Variants in EEFSEC observed in about 807,000 individuals in gnomAD.
EEFSEC encodes the protein eukaryotic elongation factor, selenocysteine-tRNA specific, also known as selenocysteine-specific elongation factor.
EEFSEC carries 43 observed loss-of-function variants against 42.1 expected under a neutral mutation model. The observed-to-expected ratio is 1.02, with a 90% confidence interval of 0.80 to 1.32. The LOEUF is 1.32. Among genes scored for constraint, EEFSEC ranks in the 40% most tolerant of loss-of-function variants. The pLI is 0.00. For synonymous variants in EEFSEC, 354 were observed against 339.1 expected (o/e 1.04, Z -0.48); for missense variants, 745 against 803.6 (o/e 0.93, Z 0.88).
chr3:128,333,156 G>A (rs1384174100), intron 4 of EEFSEC, among the ~76,000 whole-genome samples: 1 of 152,232 alleles, frequency 6.6e-6, no homozygotes, highest in East Asian at 1.9e-4. Context: ...AGGCTCATTA[G>A]TGGAACAAAA....
At chr3:128,255,314 A>G (rs1161732518) in intron 2 of EEFSEC, among the ~76,000 whole-genome samples, 4 of 152,192 alleles carry the variant, frequency 2.6e-5, no homozygotes, top group Non-Finnish European at 5.9e-5. Flanking sequence ...TGGGGTTGTC[A>G]GGGAGGAGGG....
At chr3:128,416,971 C>T in the EEFSEC span, among the ~76,000 whole-genome samples, 3 of 152,222 alleles carry the variant, frequency 2.0e-5, no homozygotes, top group Admixed American at 6.5e-5. Flanking sequence ...AGAGAGCGAT[C>T]GTGGTGGGTG....
chr3:128,226,956 G>A (rs2065913713), intron 1 of EEFSEC, among the ~76,000 whole-genome samples: 1 of 152,166 alleles, frequency 6.6e-6, no homozygotes, highest in South Asian at 2.1e-4. Flanking sequence ...GCTTGCCTGG[G>A]ACACCAGCCT....
At chr3:128,406,684 G>A (rs938219781) in intron 6 of EEFSEC, among the ~76,000 whole-genome samples, 7 of 151,852 alleles carry the variant, frequency 4.6e-5, no homozygotes, top group East Asian at 1.9e-4. Flanking sequence ...ATGGTGGCAC[G>A]AGCCTGTGGT....
Position 128,153,604 on chromosome 3 carries a change from A to C in EEFSEC, c.97A>C (p.Thr33Pro). ...LARALSTTAS[T>P]AAFDKQPQSR... is the part of the protein sequence containing the mutation. Reference sequence around the variant, plus strand: ...GCGGGCGCTAAGCACCACAGCCTCCACCGCCGCCTTTGACAAGCAGCCGCA... The same window carrying C: ...GCGGGCGCTAAGCACCACAGCCTCCCCCGCCGCCTTTGACAAGCAGCCGCA... Residue 33 changes from threonine to proline, a missense_variant, in exon 1 of 7, where the codon ACC becomes CCC. Physicochemically the swap from Thr to Pro is conservative, Grantham distance 38. Coordinates refer to ENST00000254730, the MANE Select transcript of EEFSEC (RefSeq NM_021937.5). 1 of 1,592,722 alleles carries C rather than the reference A, an allele frequency of 6.3e-7. No homozygotes were observed.
At chr3:128,394,496 T>TA (rs397733612) in intron 6 of EEFSEC, among the ~76,000 whole-genome samples, 8 of 151,960 alleles carry the variant, frequency 5.3e-5, no homozygotes, top group African/African-American at 1.9e-4. Context: ...ATTTTTTTTT[T>TA]AAAGAAAAGC....
intron 1 of EEFSEC, among the ~76,000 whole-genome samples, chr3:128,234,025 TTTTA>T (rs58135764): frequency 0.84 from 125,197 of 148,736 alleles, 52,972 homozygotes; most frequent in East Asian, 0.98. Context: ...GTAGTCATCT[TTTTA>T]TTTATTTATT....
intron 4 of EEFSEC, among the ~76,000 whole-genome samples, chr3:128,300,399 C>G (rs960738471): frequency 6.6e-6 from 1 of 152,054 alleles, no homozygotes; most frequent in Non-Finnish European, 1.5e-5. Flanking sequence ...GTCAAGAGAT[C>G]GAGGCCAACA....
chr3:128,210,721 C>G (rs1182889859), intron 1 of EEFSEC, among the ~76,000 whole-genome samples: 2 of 152,218 alleles, frequency 1.3e-5, no homozygotes, highest in Non-Finnish European at 2.9e-5. Context: ...ATGAAAGAAG[C>G]CTTGATTCAC....
chr3:128,227,125 T>G (rs893030423), intron 1 of EEFSEC, among the ~76,000 whole-genome samples: 2 of 152,250 alleles, frequency 1.3e-5, no homozygotes, highest in African/African-American at 4.8e-5. Flanking sequence ...TTCTGAAATG[T>G]GACCTACCAT....
intron 4 of EEFSEC, among the ~76,000 whole-genome samples, chr3:128,322,791 G>A (rs2067021785): frequency 2.0e-5 from 3 of 152,324 alleles, no homozygotes; most frequent in Admixed American, 2.0e-4. Context: ...GCTGGGGTCT[G>A]CAGCCCGAAG....
intron 6 of EEFSEC, among the ~76,000 whole-genome samples, chr3:128,403,216 G>A (rs1405912053): frequency 2.0e-5 from 3 of 152,212 alleles, no homozygotes; most frequent in Non-Finnish European, 4.4e-5. Flanking sequence ...GACAGGCCAG[G>A]TGTGCCTCCC....
intron 1 of EEFSEC, among the ~76,000 whole-genome samples, chr3:128,220,463 T>TCA (rs2065850867): frequency 6.6e-6 from 1 of 150,904 alleles, no homozygotes; most frequent in Non-Finnish European, 1.5e-5. Context: ...ACAGAGAGAG[T>TCA]CACAGGAAAC....
intron 6 of EEFSEC, among the ~76,000 whole-genome samples, chr3:128,400,159 G>C (rs2107634407): frequency 6.6e-6 from 1 of 152,354 alleles, no homozygotes; most frequent in Middle Eastern, 3.4e-3. Context: ...CCCTGACTTA[G>C]AGGTCTCACT....
chr3:128,366,704 T>A (rs1489702920), intron 6 of EEFSEC, among the ~76,000 whole-genome samples: 2 of 152,246 alleles, frequency 1.3e-5, no homozygotes, highest in Admixed American at 6.5e-5. Context: ...TCTGGGCACA[T>A]GGCTCAAACA....
At chr3:128,241,501 A>G (rs2066071436) in intron 1 of EEFSEC, among the ~76,000 whole-genome samples, 2 of 151,844 alleles carry the variant, frequency 1.3e-5, no homozygotes. Context: ...GTGTGCCACC[A>G]CGCTGAACCA....
chr3:128,351,267 T>C (rs2067381847), intron 5 of EEFSEC, among the ~76,000 whole-genome samples: 1 of 152,242 alleles, frequency 6.6e-6, no homozygotes, highest in South Asian at 2.1e-4. Context: ...CCAAATGCTG[T>C]CTTATTCTTC....
chr3:128,177,810 C>G (rs1003016286), intron 1 of EEFSEC, among the ~76,000 whole-genome samples: 1 of 152,110 alleles, frequency 6.6e-6, no homozygotes, highest in South Asian at 2.1e-4. Context: ...GGAGCAGGCT[C>G]AAGTTTGCTT....
the EEFSEC span, among the ~76,000 whole-genome samples, chr3:128,421,011 T>C: frequency 1.3e-5 from 2 of 152,124 alleles, no homozygotes; most frequent in Non-Finnish European, 2.9e-5. Context: ...GGGAGCATCA[T>C]AGGGCTGGCC....
Sources: gnomAD v4.1 joint callset for allele counts (sites outside exome capture counted in the v4.1 genomes callset) on GRCh38, gnomAD v4.1.1 for gene constraint, MANE v1.5 for transcripts, NCBI Gene and HGNC (gene_info 2026-07-23, HGNC 2026-07-21) for gene names.